AK3: variants seen among roughly 807,000 people sequenced by gnomAD.
The protein encoded by AK3 is GTP:AMP phosphotransferase AK3, mitochondrial.
AK3 carries 27 observed loss-of-function variants against 23.7 expected under a neutral mutation model. The observed-to-expected ratio is 1.14, with a 90% CI of 0.84 to 1.57. AK3 has a LOEUF of 1.57. Among genes scored for constraint, AK3 ranks in the 40% most tolerant of loss-of-function variants. AK3 has a pLI of 0.00. For missense variants in AK3, 406 were observed against 285.6 expected (o/e 1.42, Z -3.04); for synonymous variants, 159 against 116.0 (o/e 1.37, Z -2.38).
chr9:4,724,855 T>C (rs1214630880), intron 1 of AK3, among the ~76,000 whole-genome samples: 2 of 152,038 alleles, frequency 1.3e-5, no homozygotes, highest in Non-Finnish European at 2.9e-5. Context: ...TGATTTTTAA[T>C]AGGATGCCAA....
chr9:4,723,674 G>A (rs1841956484), intron 1 of AK3, among the ~76,000 whole-genome samples: 1 of 151,404 alleles, frequency 6.6e-6, no homozygotes, highest in African/African-American at 2.4e-5. Context: ...ATACTTTTCG[G>A]TGGTTTTATA....
chr9:4,716,092 C>G (rs1841718820), intron 4 of AK3, among the ~76,000 whole-genome samples: 1 of 152,202 alleles, frequency 6.6e-6, no homozygotes, highest in Non-Finnish European at 1.5e-5. Flanking sequence ...TGACTGACGC[C>G]TGATGATAGG....
At position 4,735,477 on chromosome 9, in the gene AK3, T is replaced by TAC. The variant is rs1563798690; in HGVS notation, c.151+5459_151+5460insGT. 1.5e-3 allele frequency among the ~76,000 whole-genome samples: 129 copies of TAC among 84,608 alleles called. 23 individuals are homozygous for TAC. The highest frequency in any genetic ancestry group is 5.6e-3 in the African/African-American group (125 of 22,358). The allele number at this position is 84,608 out of a possible 152,430, so 55.5% of individuals were successfully genotyped here. A position where few individuals can be genotyped will look rare whatever the true frequency, so the allele number is the denominator to read the frequency against. On this transcript the variant is annotated intron_variant, in intron 1 of 4. Coordinates refer to ENST00000381809, the MANE Select transcript of AK3 (RefSeq NM_016282.4). ...TACATAGTATATGTGTATATATATA[T>TAC]ATTTTTTTTTTTTTTTTGGAAACAG...
intron 4 of AK3, among the ~76,000 whole-genome samples, chr9:4,716,074 G>A (rs1260638554): frequency 1.3e-5 from 2 of 152,158 alleles, no homozygotes; most frequent in Non-Finnish European, 2.9e-5. Context: ...CAGGACAATG[G>A]AGCGGAGTGA....
At chr9:4,721,261 C>A (rs530096626) in intron 2 of AK3, among the ~76,000 whole-genome samples, 4 of 151,534 alleles carry the variant, frequency 2.6e-5, no homozygotes, top group African/African-American at 9.7e-5. Context: ...AAATTAGCCA[C>A]GTGTGCTGGT....
chr9:4,732,919 C>T (rs1842188255), intron 1 of AK3, among the ~76,000 whole-genome samples: 1 of 150,870 alleles, frequency 6.6e-6, no homozygotes, highest in South Asian at 2.1e-4. Context: ...GATTATAACT[C>T]ACTGCAGTCT....
chr9:4,727,237 G>C (rs1842040674), intron 1 of AK3, among the ~76,000 whole-genome samples: 1 of 152,186 alleles, frequency 6.6e-6, no homozygotes, highest in Admixed American at 6.5e-5. Flanking sequence ...AAGAGAGTCA[G>C]CCTGTCCTTT....
At chr9:4,740,269 T>G (rs577578747) in intron 1 of AK3, among the ~76,000 whole-genome samples, 1 of 152,288 alleles carries the variant, frequency 6.6e-6, no homozygotes, top group Non-Finnish European at 1.5e-5. Context: ...ACCCATTGTA[T>G]AGTGTAGATT....
chr9:4,730,363 A>T (rs182186963), intron 1 of AK3, among the ~76,000 whole-genome samples: 83 of 152,220 alleles, frequency 5.5e-4, no homozygotes, highest in African/African-American at 1.8e-3. Flanking sequence ...TTTGTTTTTT[A>T]AAAAATAGAA....
chr9:4,734,207 G>A (rs1842217944), intron 1 of AK3, among the ~76,000 whole-genome samples: 1 of 152,212 alleles, frequency 6.6e-6, no homozygotes, highest in Non-Finnish European at 1.5e-5. Flanking sequence ...GAAAGGCCAT[G>A]TGAGAACAAA....
intron 4 of AK3, among the ~76,000 whole-genome samples, chr9:4,715,934 C>A (rs573514032): frequency 6.3e-4 from 96 of 152,232 alleles, no homozygotes; most frequent in African/African-American, 2.2e-3. Context: ...CAGAGCTAAT[C>A]GGTGCCGACC....
chr9:4,740,167 AAAGT>A (rs1842394275), intron 1 of AK3, among the ~76,000 whole-genome samples: 1 of 152,164 alleles, frequency 6.6e-6, no homozygotes, highest in African/African-American at 2.4e-5. Flanking sequence ...TCTATTTTGA[AAAGT>A]AAGGTCAACA....
chr9:4,733,898 T>G (rs988699036), intron 1 of AK3, among the ~76,000 whole-genome samples: 2 of 152,194 alleles, frequency 1.3e-5, no homozygotes, highest in African/African-American at 4.8e-5. Context: ...CATGGTCAAG[T>G]GTCCCTCAAC....
intron 1 of AK3, among the ~76,000 whole-genome samples, chr9:4,734,682 T>G (rs1016901529): frequency 1.3e-5 from 2 of 152,260 alleles, no homozygotes; most frequent in African/African-American, 4.8e-5. Context: ...TTTTTAAAAT[T>G]GTTCTTTAAG....
At position 4,741,080 on chromosome 9, in the gene AK3, G is replaced by C; in HGVS notation, c.8C>G (p.Ala3Gly). Residue 3 changes from alanine to glycine, a missense_variant, in exon 1 of 5, where the codon GCG becomes GGG. By Grantham distance (60) the Ala-to-Gly change is moderately conservative (BLOSUM62 0). Coordinates refer to ENST00000381809, the MANE Select transcript of AK3 (RefSeq NM_016282.4). Reference protein sequence around the residue: MGASARLLRAVIM... With the variant: MGGSARLLRAVIM... Reference sequence around the variant, plus strand: ...CACCGCTCGCAGCAGCCGCGCGGACGCCCCCATGGCCGCAGACTGAGGCCC... The same window carrying C: ...CACCGCTCGCAGCAGCCGCGCGGACCCCCCCATGGCCGCAGACTGAGGCCC... 1 of 1,539,008 alleles carries C rather than the reference G, an allele frequency of 6.5e-7. No homozygotes were observed. Among genetic ancestry groups the C allele is most frequent in the African/African-American group, 1.4e-5 (1 of 70,542 alleles).
chr9:4,732,060 C>T (rs1842166947), intron 1 of AK3, among the ~76,000 whole-genome samples: 1 of 152,128 alleles, frequency 6.6e-6, no homozygotes, highest in South Asian at 2.1e-4. Context: ...AGTGATCCTC[C>T]CACCTCAACC....
intron 4 of AK3, among the ~76,000 whole-genome samples, chr9:4,715,216 C>CAAAAAAAAAA (rs1237615381): frequency 7.0e-5 from 4 of 56,952 alleles, no homozygotes; most frequent in East Asian, 1.2e-3. Flanking sequence ...GACTCCGTCT[C>CAAAAAAAAAA]AAAAAAAAAA....
chr9:4,728,550 AAC>A lies in AK3; in HGVS notation c.152-5927_152-5926del, dbSNP rs543248451. The stretch of plus-strand genomic sequence containing the variant: ...GCTGCCACTGCACTCCAGCCTGGGC[AAC>A]AGAGTGAAACTGTGTCTCAAACAAA... On this transcript the variant is annotated intron_variant, in intron 1 of 4. Transcript: ENST00000381809. 7.9e-5 allele frequency among the ~76,000 whole-genome samples: 12 copies of A among 151,946 alleles called. 1 individual carries two copies. The South Asian group carries it at 2.5e-3, about 32-fold the overall frequency.
In AK3 at chr9:4,740,072, AAAAAAG is replaced by A. The variant is rs1284636993; in HGVS notation, c.151+859_151+864del. On this transcript the variant is annotated intron_variant, in intron 1 of 4. Coordinates refer to ENST00000381809, the MANE Select transcript of AK3 (RefSeq NM_016282.4). ...TTTGCTATCCTTACAAAAAAAAAAA[AAAAAAG>A]AAGGAAAACAAAAGAAAAAGGCCTT... Among the ~76,000 whole-genome samples, 1,132 of 149,398 alleles carry A rather than the reference AAAAAAG, an allele frequency of 7.6e-3. 13 individuals carry two copies. Among genetic ancestry groups the A allele is most frequent in the African/African-American group, 0.021 (850 of 39,730 alleles).
Sources: gnomAD v4.1 joint callset for allele counts (sites outside exome capture counted in the v4.1 genomes callset) on GRCh38, gnomAD v4.1.1 for gene constraint, MANE v1.5 for transcripts, NCBI Gene and HGNC (gene_info 2026-07-23, HGNC 2026-07-21) for gene names.